Variants in GRID2 observed in about 807,000 individuals in gnomAD.
GRID2 encodes glutamate receptor ionotropic, delta-2.
In GRID2, 33 loss-of-function variants were observed where a neutral mutation model predicts 114.8. The observed-to-expected ratio is 0.29, with a 90% CI of 0.22 to 0.38. The LOEUF (loss-of-function observed/expected upper bound fraction) is 0.38, where lower values mean the gene tolerates loss of function less well. GRID2 is among the 10% of genes least tolerant of loss of function. GRID2 has a pLI of 1.00. For synonymous variants in GRID2, 505 were observed against 449.9 expected (o/e 1.12, Z -1.55); for missense variants, 1,184 against 1,257.7 (o/e 0.94, Z 0.89).
intron 1 of GRID2, among the ~76,000 whole-genome samples, chr4:92,485,848 T>C (rs1469720317): frequency 2.0e-5 from 3 of 152,150 alleles, no homozygotes; most frequent in African/African-American, 4.8e-5. Context: ...AAATTTTACA[T>C]AAATTTTACG....
At chr4:92,537,026 A>G (rs544491068) in intron 1 of GRID2, among the ~76,000 whole-genome samples, 1 of 152,320 alleles carries the variant, frequency 6.6e-6, no homozygotes, top group African/African-American at 2.4e-5. Context: ...TCCTTCTATA[A>G]ATAGGCTTAC....
chr4:93,562,993 C>G (rs1735067686), intron 13 of GRID2, among the ~76,000 whole-genome samples: 2 of 151,906 alleles, frequency 1.3e-5, no homozygotes, highest in South Asian at 4.1e-4. Flanking sequence ...TGTAAGCCTT[C>G]AAGTCAGGTA....
intron 1 of GRID2, among the ~76,000 whole-genome samples, chr4:92,447,367 C>A (rs376212048): frequency 2.0e-5 from 3 of 152,144 alleles, no homozygotes; most frequent in Admixed American, 2.0e-4. Flanking sequence ...AAACTATTGG[C>A]AGACCTTCTA....
rs114694049 is a variant in GRID2 at position 93,397,507 on chromosome 4, C to T, written c.1347+1799C>T. Among the ~76,000 whole-genome samples, 991 of 151,932 alleles carry T rather than the reference C, an allele frequency of 6.5e-3. 10 individuals carry two copies. Among genetic ancestry groups the T allele is most frequent in the African/African-American group, 0.023 (939 of 41,520 alleles). The stretch of plus-strand genomic sequence containing the variant: ...AAGCAAATCTTTAAGTCCAATTAAC[C>T]TCAGTCAGTTTTAAGCAAATAGTTA... On this transcript the variant is annotated intron_variant, in intron 9 of 15. Transcript: ENST00000282020.
intron 2 of GRID2, among the ~76,000 whole-genome samples, chr4:92,883,817 T>A (rs1010004883): frequency 1.3e-5 from 2 of 152,204 alleles, no homozygotes; most frequent in African/African-American, 4.8e-5. Flanking sequence ...TGTGCTGCCA[T>A]CCAGGCTTTG....
chr4:92,948,739 C>A (rs1457761982), intron 2 of GRID2, among the ~76,000 whole-genome samples: 3 of 151,884 alleles, frequency 2.0e-5, no homozygotes, highest in African/African-American at 7.2e-5. Flanking sequence ...GTTTACCATA[C>A]CAGAATCGTT....
At chr4:92,927,805 C>T (rs1403019297) in intron 2 of GRID2, among the ~76,000 whole-genome samples, 4 of 151,636 alleles carry the variant, frequency 2.6e-5, no homozygotes, top group African/African-American at 9.7e-5. Context: ...ATTTATACAA[C>T]ACTTCTCAAT....
rs565764835 is a variant in GRID2 at position 92,416,484 on chromosome 4, A to G, written c.88+111740A>G. ...TGGTCATGAGCTCTTTGCCTAAGCC[A>G]ATGTCTAGAAGAGCTTTTCTGATGT... On this transcript the variant is annotated intron_variant, in intron 1 of 15. Coordinates refer to ENST00000282020, the MANE Select transcript of GRID2 (RefSeq NM_001510.4). 5.9e-5 allele frequency among the ~76,000 whole-genome samples: 9 copies of G among 152,252 alleles called. No homozygotes were observed. The South Asian group carries it at 1.9e-3, about 32-fold the overall frequency.
intron 8 of GRID2, among the ~76,000 whole-genome samples, chr4:93,378,908 T>C (rs1763610882): frequency 6.6e-6 from 1 of 152,138 alleles, no homozygotes. Flanking sequence ...AACATCCCTG[T>C]ACAAAACTTC....
intron 14 of GRID2, among the ~76,000 whole-genome samples, chr4:93,736,554 T>C (rs1256978618): frequency 3.9e-5 from 6 of 152,078 alleles, no homozygotes; most frequent in Admixed American, 3.9e-4. Flanking sequence ...CTGCTTACAT[T>C]GTCAGGTTGA....
chr4:92,648,807 A>G (rs945448053), intron 2 of GRID2, among the ~76,000 whole-genome samples: 2 of 148,400 alleles, frequency 1.3e-5, no homozygotes, highest in Non-Finnish European at 3.0e-5. Flanking sequence ...ATATCAGTTC[A>G]CATTTATTCC....
intron 14 of GRID2, among the ~76,000 whole-genome samples, chr4:93,631,973 T>C (rs1365031991): frequency 6.6e-6 from 1 of 152,226 alleles, no homozygotes; most frequent in African/African-American, 2.4e-5. Flanking sequence ...CCAGTGATGA[T>C]GAGCATTTTT....
At chr4:93,432,378 T>G (rs1769496995) in intron 10 of GRID2, among the ~76,000 whole-genome samples, 1 of 152,180 alleles carries the variant, frequency 6.6e-6, no homozygotes, top group South Asian at 2.1e-4. Flanking sequence ...AGCATAGCCA[T>G]GATCAGAGAC....
intron 1 of GRID2, among the ~76,000 whole-genome samples, chr4:92,499,246 T>C (rs1723553460): frequency 6.6e-6 from 1 of 152,112 alleles, no homozygotes; most frequent in South Asian, 2.1e-4. Context: ...ATGTATCTCC[T>C]GTAATATTTG....
At chr4:93,751,096 A>G (rs1732282094) in intron 14 of GRID2, among the ~76,000 whole-genome samples, 1 of 152,216 alleles carries the variant, frequency 6.6e-6, no homozygotes, top group African/African-American at 2.4e-5. Flanking sequence ...AAATTCCCAG[A>G]AGCTTATATA....
At chr4:93,123,918 A>G (rs1403404852) in intron 4 of GRID2, among the ~76,000 whole-genome samples, 1 of 144,856 alleles carries the variant, frequency 6.9e-6, no homozygotes, top group Non-Finnish European at 1.5e-5. Flanking sequence ...GTGATTCAAA[A>G]ACAAACGGAG....
At chr4:93,146,527 G>A (rs964786493) in intron 4 of GRID2, among the ~76,000 whole-genome samples, 2 of 152,016 alleles carry the variant, frequency 1.3e-5, no homozygotes, top group African/African-American at 2.4e-5. Context: ...GGACCCATGT[G>A]CACAAAGAGT....
intron 11 of GRID2, among the ~76,000 whole-genome samples, chr4:93,463,407 G>A (rs554224002): frequency 3.1e-4 from 47 of 152,132 alleles, no homozygotes; most frequent in Non-Finnish European, 5.7e-4. Context: ...GCTTGATACC[G>A]ACTCCTCATG....
At chr4:93,005,932 G>A (rs1721470248) in intron 2 of GRID2, among the ~76,000 whole-genome samples, 1 of 151,904 alleles carries the variant, frequency 6.6e-6, no homozygotes, top group African/African-American at 2.4e-5. Context: ...TTTTAACCAC[G>A]CTGGTCTCTT....
Sources: gnomAD v4.1 joint callset for allele counts (sites outside exome capture counted in the v4.1 genomes callset) on GRCh38, gnomAD v4.1.1 for gene constraint, MANE v1.5 for transcripts, NCBI Gene and HGNC (gene_info 2026-07-23, HGNC 2026-07-21) for gene names.